PCSK2: variants seen among roughly 807,000 people sequenced by gnomAD.
PCSK2 encodes the protein proprotein convertase subtilisin/kexin type 2.
A neutral mutation model predicts 69.7 loss-of-function variants in PCSK2; 14 were observed. That is an observed-to-expected ratio of 0.20 (90% CI 0.13 to 0.31). The LOEUF is 0.31. Among genes scored for constraint, PCSK2 ranks in the 10% least tolerant of loss-of-function variants. The probability of loss-of-function intolerance (pLI) is 1.00; values close to 1 mark genes in which losing one functional copy is unlikely to be tolerated. For missense variants in PCSK2, 544 were observed against 842.5 expected (o/e 0.65, Z 4.39); for synonymous variants, 307 against 320.7 (o/e 0.96, Z 0.46).
intron 2 of PCSK2, among the ~76,000 whole-genome samples, chr20:17,283,789 C>T (rs188486109): frequency 2.0e-5 from 3 of 152,308 alleles, no homozygotes; most frequent in South Asian, 2.1e-4. Flanking sequence ...CATCACTTCA[C>T]GTTGCTTACC....
At chr20:17,356,805 G>T (rs2030213661) in intron 2 of PCSK2, among the ~76,000 whole-genome samples, 1 of 152,134 alleles carries the variant, frequency 6.6e-6, no homozygotes, top group Non-Finnish European at 1.5e-5. Context: ...GAACCTCCAG[G>T]ATAAATGGGC....
chr20:17,403,457 A>G (rs1490145036), intron 5 of PCSK2, among the ~76,000 whole-genome samples: 1 of 152,246 alleles, frequency 6.6e-6, no homozygotes, highest in African/African-American at 2.4e-5. Context: ...TAGGCGCAAT[A>G]GCAAAATTCT....
intron 2 of PCSK2, among the ~76,000 whole-genome samples, chr20:17,275,215 A>G (rs1489170411): frequency 6.6e-6 from 1 of 151,954 alleles, no homozygotes; most frequent in Non-Finnish European, 1.5e-5. Context: ...AAGATCTAAA[A>G]GAAGTAGGCT....
chr20:17,249,982 T>C (rs184349316), intron 1 of PCSK2, among the ~76,000 whole-genome samples: 1 of 152,302 alleles, frequency 6.6e-6, no homozygotes, highest in Non-Finnish European at 1.5e-5. Flanking sequence ...ATCATTAAAA[T>C]TGAAAAGTTG....
At chr20:17,332,339 T>C (rs1990228366) in intron 2 of PCSK2, among the ~76,000 whole-genome samples, 2 of 152,176 alleles carry the variant, frequency 1.3e-5, no homozygotes, top group South Asian at 4.2e-4. Flanking sequence ...ATTTTCTTAG[T>C]CCTCCTGAGT....
chr20:17,362,534 C>T (rs1299602664), intron 4 of PCSK2, among the ~76,000 whole-genome samples: 1 of 152,182 alleles, frequency 6.6e-6, no homozygotes, highest in Non-Finnish European at 1.5e-5. Context: ...AAAGGCTCAG[C>T]CTCCCTCCCT....
intron 2 of PCSK2, among the ~76,000 whole-genome samples, chr20:17,323,351 G>A (rs570001596): frequency 6.6e-6 from 1 of 152,304 alleles, no homozygotes; most frequent in African/African-American, 2.4e-5. Flanking sequence ...AAGGAGAGGT[G>A]CCTCAGAGGA....
At chr20:17,376,549 G>A (rs1270044851) in intron 5 of PCSK2, among the ~76,000 whole-genome samples, 1 of 151,946 alleles carries the variant, frequency 6.6e-6, no homozygotes, top group Non-Finnish European at 1.5e-5. Context: ...ATTTCTTTTA[G>A]AATATTGGCT....
chr20:17,448,698 A>AT (rs2123371892), intron 8 of PCSK2, among the ~76,000 whole-genome samples: 2 of 152,274 alleles, frequency 1.3e-5, no homozygotes, highest in African/African-American at 4.8e-5. Context: ...AAATGTCTCC[A>AT]TCACTGCATC....
At chr20:17,356,567 CT>C in intron 2 of PCSK2, among the ~76,000 whole-genome samples, 1 of 152,258 alleles carries the variant, frequency 6.6e-6, no homozygotes, top group African/African-American at 2.4e-5. Flanking sequence ...TCTCTTCCTG[CT>C]GTCATTCTCG....
intron 1 of PCSK2, among the ~76,000 whole-genome samples, chr20:17,246,108 G>A (rs76321266): frequency 3.9e-5 from 6 of 152,210 alleles, no homozygotes; most frequent in East Asian, 1.9e-4. Context: ...GAGCAAAACC[G>A]GTGTTGTCCC....
intron 6 of PCSK2, among the ~76,000 whole-genome samples, chr20:17,410,554 G>A (rs73259766): frequency 2.1e-3 from 319 of 152,312 alleles, no homozygotes; most frequent in African/African-American, 7.4e-3. Flanking sequence ...GATCATTGCT[G>A]ATGTCGGATA....
chr20:17,242,057 G>T (rs1391950195), intron 1 of PCSK2, among the ~76,000 whole-genome samples: 2 of 152,172 alleles, frequency 1.3e-5, no homozygotes, highest in Non-Finnish European at 2.9e-5. Flanking sequence ...TTCTTAGGGG[G>T]TACATCATAG....
chr20:17,268,031 G>GTA (rs750234336), intron 2 of PCSK2, among the ~76,000 whole-genome samples: 46 of 117,952 alleles, frequency 3.9e-4, no homozygotes, highest in South Asian at 1.1e-3. Flanking sequence ...TATATCCAAT[G>GTA]TGTATATATA....
intron 2 of PCSK2, among the ~76,000 whole-genome samples, chr20:17,340,968 G>T (rs370352768): frequency 6.6e-6 from 1 of 152,172 alleles, no homozygotes; most frequent in Admixed American, 6.5e-5. Context: ...TTAAAGGATT[G>T]GCCGGGCGCA....
At chr20:17,478,763 CTGAA>C (rs1228081729) in intron 11 of PCSK2, among the ~76,000 whole-genome samples, 1 of 152,148 alleles carries the variant, frequency 6.6e-6, no homozygotes, top group Non-Finnish European at 1.5e-5. Flanking sequence ...ATTTTATTAT[CTGAA>C]TGGAGTTCCC....
At chr20:17,346,522 T>C (rs1990657960) in intron 2 of PCSK2, among the ~76,000 whole-genome samples, 1 of 152,222 alleles carries the variant, frequency 6.6e-6, no homozygotes, top group Admixed American at 6.5e-5. Context: ...AGGCAGGCTC[T>C]TTGGGGTGCT....
intron 5 of PCSK2, among the ~76,000 whole-genome samples, chr20:17,370,543 A>C (rs756341568): frequency 6.6e-5 from 10 of 152,232 alleles, no homozygotes; most frequent in Non-Finnish European, 1.3e-4. Flanking sequence ...AACCAAAGCT[A>C]TATTCCCAGC....
At chr20:17,318,071 T>C (rs2123124836) in intron 2 of PCSK2, among the ~76,000 whole-genome samples, 1 of 152,364 alleles carries the variant, frequency 6.6e-6, no homozygotes, top group East Asian at 1.9e-4. Flanking sequence ...GGGCTTTGGA[T>C]GCTACTTAGT....
Sources: gnomAD v4.1 joint callset for allele counts (sites outside exome capture counted in the v4.1 genomes callset) on GRCh38, gnomAD v4.1.1 for gene constraint, MANE v1.5 for transcripts, NCBI Gene and HGNC (gene_info 2026-07-23, HGNC 2026-07-21) for gene names.